BMP1: variants seen among roughly 807,000 people sequenced by gnomAD.
The protein encoded by BMP1 is bone morphogenetic protein 1, also known as mammalian tolloid protein.
Under a neutral mutation model 116.8 loss-of-function variants are expected in BMP1, and 63 were observed. The ratio of observed to expected loss-of-function variants is 0.54; its 90% confidence interval spans 0.44 to 0.67. The LOEUF (loss-of-function observed/expected upper bound fraction) is 0.67, where lower values mean the gene tolerates loss of function less well. Ranked by LOEUF, BMP1 falls within the 30% of genes least tolerant of loss-of-function variation. BMP1 has a pLI of 0.00. For synonymous variants in BMP1, 536 were observed against 533.4 expected (o/e 1.00, Z -0.07); for missense variants, 1,183 against 1,358.9 (o/e 0.87, Z 2.04).
At chr8:22,182,323 G>A (rs181500100) in intron 8 of BMP1, among the ~76,000 whole-genome samples, 3 of 152,266 alleles carry the variant, frequency 2.0e-5, no homozygotes, top group African/African-American at 4.8e-5. Flanking sequence ...ACATAGAACA[G>A]CACACAAACC....
chr8:22,178,746 C>T (rs975720944), intron 6 of BMP1, among the ~76,000 whole-genome samples: 2 of 152,090 alleles, frequency 1.3e-5, no homozygotes, highest in Non-Finnish European at 2.9e-5. Flanking sequence ...CCAGCCTCCC[C>T]TCCCCCAAGA....
intron 8 of BMP1, among the ~76,000 whole-genome samples, chr8:22,190,718 A>G (rs776891711): frequency 3.9e-5 from 6 of 152,212 alleles, no homozygotes; most frequent in Non-Finnish European, 7.3e-5. Context: ...CTCCCCGACT[A>G]GCATTGATGC....
intron 15 of BMP1, among the ~76,000 whole-genome samples, chr8:22,198,248 C>T (rs1008934316): frequency 1.3e-5 from 2 of 152,168 alleles, no homozygotes; most frequent in South Asian, 2.1e-4. Flanking sequence ...AACCGGTGGG[C>T]GGGAACTCAG....
chr8:22,165,799 G>T (rs1828079158), intron 1 of BMP1, among the ~76,000 whole-genome samples: 1 of 152,226 alleles, frequency 6.6e-6, no homozygotes, highest in South Asian at 2.1e-4. Flanking sequence ...TCCAGAGGAA[G>T]TCTCCTTGCG....
In BMP1 at chr8:22,207,410, G is replaced by A; in HGVS notation, c.2469G>A (p.Gly823=). 1.2e-6 allele frequency: 2 copies of A among 1,614,172 alleles called. No individual in the cohort carries two copies. The highest frequency in any genetic ancestry group is 1.7e-6 in the Non-Finnish European group (2 of 1,180,044). Residue 823 remains glycine (G), a synonymous_variant, in exon 18 of 20, where the codon GGG becomes GGA. Coordinates refer to ENST00000306385, the MANE Select transcript of BMP1 (RefSeq NM_006129.5). Reference sequence around the variant, plus strand: ...CCCCCGTCCTCGGCCGCTTCTGTGGGAGCAAGAAGCCCGAGCCCGTCCTGG... The same window carrying A: ...CCCCCGTCCTCGGCCGCTTCTGTGGAAGCAAGAAGCCCGAGCCCGTCCTGG... ...AKAPVLGRFC[G]SKKPEPVLAT... is the part of the protein sequence containing the mutation.
rs756280771 is a variant in BMP1, at chr8:22,201,916, G to A, written c.2221G>A (p.Asp741Asn). ...SGFVLHDNKH[D>N]CKEAGCDHKV... ...CTTCGTCCTCCATGACAACAAGCAC[G>A]ACTGCAAAGAAGGTACGGGCTGCAT... The change falls in exon 16 of 20, where the codon GAC becomes AAC. Residue 741 changes from aspartate to asparagine, a missense_variant. Around this residue, in one of 4 missense-constraint regions of BMP1, gnomAD observed 956 missense variants for 1,135.2 expected, o/e 0.84. Transcript: ENST00000306385. 67 of 1,613,148 alleles carry A rather than the reference G, an allele frequency of 4.2e-5. No homozygotes were observed. Among genetic ancestry groups the A allele is most frequent in the Non-Finnish European group, 5.4e-5 (64 of 1,179,578 alleles).
In BMP1 at chr8:22,196,496, C is replaced by T. The variant is rs182685493; in HGVS notation, c.1766-184C>T. 62 of 765,462 alleles carry T rather than the reference C, an allele frequency of 8.1e-5. No homozygotes were observed. The East Asian group carries it at 1.5e-3, about 18-fold the overall frequency. 47.4% of individuals were successfully genotyped at this position (765,462 alleles called of 1,614,324 possible). On this transcript the variant is annotated intron_variant, in intron 13 of 19. Coordinates refer to ENST00000306385, the MANE Select transcript of BMP1 (RefSeq NM_006129.5). Reference sequence around the variant, plus strand: ...CCCCCACTCCTCCCTACAGGCCCACCCCTGAGGACACCCAGGCCACCCTGC... The same window carrying T: ...CCCCCACTCCTCCCTACAGGCCCACTCCTGAGGACACCCAGGCCACCCTGC...
chr8:22,207,576 C>A, intron 18 of BMP1, 60 bp downstream of exon 18: 2 of 1,578,860 alleles, frequency 1.3e-6, no homozygotes, highest in South Asian at 2.2e-5. Flanking sequence ...GGGGTAGAGT[C>A]GGGGGTTTCA....
intron 13 of BMP1, 33 bp downstream of exon 13, chr8:22,195,620 C>A (rs1488101543): frequency 6.3e-7 from 1 of 1,584,038 alleles, no homozygotes; most frequent in South Asian, 1.2e-5. Context: ...TGACCCTGTT[C>A]TTTCCCTGGC....
chr8:22,166,921 C>G (rs1828130372), intron 1 of BMP1, among the ~76,000 whole-genome samples: 1 of 152,152 alleles, frequency 6.6e-6, no homozygotes, highest in South Asian at 2.1e-4. Flanking sequence ...CAATCCTGAC[C>G]CTGCTACTCA....
At position 22,179,977 on chromosome 8, in the gene BMP1, TC is replaced by T. The variant is rs1024669682; in HGVS notation, c.961+150del. 2.1e-6 allele frequency: 2 copies of T among 960,104 alleles called. No individual in the cohort carries two copies. Among genetic ancestry groups the T allele is most frequent in the African/African-American group, 3.3e-5 (2 of 59,962 alleles). The allele number at this position is 960,104 out of a possible 1,614,324, so 59.5% of individuals were successfully genotyped here. A position where few individuals can be genotyped will look rare whatever the true frequency, so the allele number is the denominator to read the frequency against. On this transcript the variant is annotated intron_variant, in intron 7 of 19. Coordinates refer to ENST00000306385, the MANE Select transcript of BMP1 (RefSeq NM_006129.5). The surrounding 1 kb of genome is among the most constrained non-coding windows in gnomAD (Gnocchi z 4.6). ...AGGGGACCCCATAGGAGGGGCAGTG[TC>T]CAAGTGAAGGAGGCCGCTGGGGGTA...
chr8:22,176,671 G>T (rs201958197), intron 4 of BMP1, 21 bp downstream of exon 4: 3 of 1,611,472 alleles, frequency 1.9e-6, no homozygotes, highest in African/African-American at 2.7e-5. Flanking sequence ...AGCCCTAGGC[G>T]CTGTACCTTC....
chr8:22,186,811 G>C (rs117184073), intron 8 of BMP1, among the ~76,000 whole-genome samples: 2,276 of 152,030 alleles, frequency 0.015, 27 homozygotes, highest in Middle Eastern at 0.12. Flanking sequence ...CTACCACAAG[G>C]GGGATACTAT....
rs545650864 is a variant in BMP1 at position 22,208,289 on chromosome 8, G to A, written c.2575+773G>A. Among the ~76,000 whole-genome samples, 160 of 152,344 alleles carry A rather than the reference G, an allele frequency of 1.1e-3. 1 individual carries two copies. Among genetic ancestry groups the A allele is most frequent in the African/African-American group, 3.6e-3 (148 of 41,576 alleles). ...ATCCCAGCCCTTGAGGGGCTTGCTCGGCTTTCACTTGCTTGTTTATTTAGC... is the reference window on the plus strand; with the variant it reads ...ATCCCAGCCCTTGAGGGGCTTGCTCAGCTTTCACTTGCTTGTTTATTTAGC... On this transcript the variant is annotated intron_variant, in intron 18 of 19. Transcript: ENST00000306385.
chr8:22,200,893 C>T (rs76571871), intron 15 of BMP1, among the ~76,000 whole-genome samples: 1 of 152,158 alleles, frequency 6.6e-6, no homozygotes, highest in South Asian at 2.1e-4. Flanking sequence ...GGCTCTGTCT[C>T]TGTCCCGTCG....
In BMP1 at chr8:22,179,888, GC is replaced by G; in HGVS notation, c.961+61del. ...AGGGCAGGGCCTGAGGGAGGCAGAG[GC>G]CAGGTGCCTGGTGCCACCAAGAAGG... On this transcript the variant is annotated intron_variant, in intron 7 of 19. Transcript: ENST00000306385. This position sits in a 1 kb window ranked among gnomAD's most constrained non-coding sequence, Gnocchi z 4.6. 6.5e-7 allele frequency: 1 copy of G among 1,535,740 alleles called. No homozygotes were observed. Among genetic ancestry groups the G allele is most frequent in the Non-Finnish European group, 8.8e-7 (1 of 1,130,682 alleles).
Position 22,199,129 on chromosome 8 carries a change from G to A in BMP1, c.2107+1709G>A, listed in dbSNP as rs770328680. ...GCCCGCCCCACCCTCAGCCCTGCAC[G>A]GAGACACACACGCCCACACGCACAC... On this transcript the variant is annotated intron_variant, in intron 15 of 19. Coordinates refer to ENST00000306385, the MANE Select transcript of BMP1 (RefSeq NM_006129.5). 165 of 1,367,368 alleles carry A rather than the reference G, an allele frequency of 1.2e-4. No individual in the cohort carries two copies. The Admixed American group carries it at 2.6e-3, about 22-fold the overall frequency. The allele number at this position is 1,367,368 out of a possible 1,614,324, so 84.7% of individuals were successfully genotyped here. A position where few individuals can be genotyped will look rare whatever the true frequency, so the allele number is the denominator to read the frequency against.
chr8:22,206,791 C>G lies in BMP1; in HGVS notation c.2234-63C>G, dbSNP rs1207775082. Reference sequence around the variant, plus strand: ...GGGGGGCAGGAGGGAAGGGCCTTCCCCACAGGAGGCATCGGAGCTTGGGGT... The same window carrying G: ...GGGGGGCAGGAGGGAAGGGCCTTCCGCACAGGAGGCATCGGAGCTTGGGGT... On this transcript the variant is annotated intron_variant, in intron 16 of 19. Transcript: ENST00000306385. 9 of 1,607,702 alleles carry G rather than the reference C, an allele frequency of 5.6e-6. No homozygotes were observed. In the East Asian group the frequency reaches 1.8e-4, roughly 32 times the overall value.
chr8:22,207,876 TTA>T lies in BMP1; in HGVS notation c.2575+362_2575+363del, dbSNP rs1164854321. 4.2e-3 allele frequency among the ~76,000 whole-genome samples: 634 copies of T among 151,804 alleles called. 6 individuals carry two copies. Among genetic ancestry groups the T allele is most frequent in the African/African-American group, 0.015 (609 of 41,082 alleles). On this transcript the variant is annotated intron_variant, in intron 18 of 19. Transcript: ENST00000306385. ...TTCTCTGATATTTATTTTTTTATTT[TTA>T]TTTTTATTTATTTTTTATTTTTTGA...
Sources: allele counts gnomAD v4.1 joint callset (sites outside exome capture counted in the v4.1 genomes callset), GRCh38; gene constraint gnomAD v4.1.1; regional missense constraint gnomAD v4.1.1; non-coding constraint Gnocchi (gnomAD v3.1); transcripts MANE v1.5; gene names NCBI Gene and HGNC (gene_info 2026-07-23, HGNC 2026-07-21).